BCR: variants seen among roughly 807,000 people sequenced by gnomAD.
The protein encoded by BCR is BCR activator of RhoGEF and GTPase.
A neutral mutation model predicts 138.6 loss-of-function variants in BCR; 58 were observed. That is an observed-to-expected ratio of 0.42 (90% CI 0.34 to 0.52). The LOEUF is 0.52. Among genes scored for constraint, BCR ranks in the 20% least tolerant of loss-of-function variants. The pLI, the probability that BCR is intolerant of heterozygous loss-of-function variation, is 0.06. For missense variants in BCR, 1,599 were observed against 1,727.2 expected (o/e 0.93, Z 1.32); for synonymous variants, 786 against 730.1 (o/e 1.08, Z -1.23).
At chr22:23,271,681 C>A in intron 6 of BCR, 89 bp downstream of exon 6, 3 of 1,313,362 alleles carry the variant, frequency 2.3e-6, no homozygotes, top group Non-Finnish European at 3.3e-6. Flanking sequence ...AGACACAGTG[C>A]CCACTTGGGT....
At chr22:23,289,700 G>A (rs1338765139) in intron 13 of BCR, 79 bp downstream of exon 13, 2 of 1,252,558 alleles carry the variant, frequency 1.6e-6, no homozygotes, top group Non-Finnish European at 2.3e-6. Flanking sequence ...CCCCCTTCCT[G>A]TTAGCACTTT....
intron 1 of BCR, among the ~76,000 whole-genome samples, chr22:23,226,807 A>G (rs2072899461): frequency 6.6e-6 from 1 of 152,190 alleles, no homozygotes; most frequent in African/African-American, 2.4e-5. Flanking sequence ...TAAAACAGAG[A>G]AATGGAGAGA....
rs181911023 is a variant in BCR, at chr22:23,279,180, G to T, written c.2116-4797G>T. ...GCTGCTACCAGCCACCCTGACTGTG[G>T]CTGTCAGCCAGCATTGTTCTTCCCA... On this transcript the variant is annotated intron_variant, in intron 8 of 22. Transcript: ENST00000305877. Among the ~76,000 whole-genome samples, 545 of 152,320 alleles carry T rather than the reference G, an allele frequency of 3.6e-3. 3 individuals are homozygous for T. The highest frequency in any genetic ancestry group is 0.012 in the African/African-American group (515 of 41,578).
intron 1 of BCR, chr22:23,198,146 G>A (rs1657769084): frequency 3.1e-6 from 1 of 321,800 alleles, no homozygotes; most frequent in African/African-American, 2.3e-5. Context: ...AAGGACAGAA[G>A]CCAGGCTCCA....
intron 1 of BCR, among the ~76,000 whole-genome samples, chr22:23,202,146 G>A (rs945280706): frequency 3.3e-5 from 5 of 152,048 alleles, no homozygotes; most frequent in African/African-American, 9.7e-5. Flanking sequence ...TGGACATTTC[G>A]AGTGGTTCTT....
At chr22:23,259,108 G>A (rs1307711034) in intron 2 of BCR, among the ~76,000 whole-genome samples, 1 of 152,288 alleles carries the variant, frequency 6.6e-6, no homozygotes, top group Admixed American at 6.5e-5. Flanking sequence ...TGGCCAGGAA[G>A]TCAGGTGGCG....
intron 2 of BCR, among the ~76,000 whole-genome samples, chr22:23,259,739 T>G (rs1352783730): frequency 6.6e-6 from 1 of 152,118 alleles, no homozygotes; most frequent in Non-Finnish European, 1.5e-5. Flanking sequence ...GCTGGTGATC[T>G]CGAACTCCTG....
Position 23,201,613 on chromosome 22 carries a change from A to T in BCR, c.1279+19374A>T, listed in dbSNP as rs533190919. On this transcript the variant is annotated intron_variant, in intron 1 of 22. Transcript: ENST00000305877. ...GCTGGGACTACAGGCACCCACCACCATGCCCGGCTAATTTTTTGTATTTTT... is the reference window on the plus strand; with the variant it reads ...GCTGGGACTACAGGCACCCACCACCTTGCCCGGCTAATTTTTTGTATTTTT... 4.9e-4 allele frequency among the ~76,000 whole-genome samples: 74 copies of T among 152,198 alleles called. 1 individual carries two copies. The highest frequency in any genetic ancestry group is 5.8e-4 in the East Asian group (3 of 5,182).
chr22:23,204,553 C>T (rs1164267623), intron 1 of BCR, among the ~76,000 whole-genome samples: 2 of 152,162 alleles, frequency 1.3e-5, no homozygotes, highest in Admixed American at 1.3e-4. Context: ...AGCAGCCTTC[C>T]TGTAGGATCC....
At chr22:23,224,387 C>CA (rs2072864133) in intron 1 of BCR, among the ~76,000 whole-genome samples, 1 of 152,168 alleles carries the variant, frequency 6.6e-6, no homozygotes, top group South Asian at 2.1e-4. Context: ...GCTCAGCTCT[C>CA]ACTTGTGCCT....
chr22:23,223,114 A>G (rs1037667249), intron 1 of BCR, among the ~76,000 whole-genome samples: 2 of 152,174 alleles, frequency 1.3e-5, no homozygotes, highest in East Asian at 3.9e-4. Flanking sequence ...ACCTCCCAGC[A>G]GCCCCACCTC....
chr22:23,295,004 C>G lies in BCR; in HGVS notation c.2881-20C>G, dbSNP rs780964593. On this transcript the variant is annotated intron_variant, in intron 15 of 22. Transcript: ENST00000305877. ...ACCCGTTTGTTCACACTGGACTTCC[C>G]TTCTCCCTTGGGGCTGCAGGAATTT... is the stretch of plus-strand genomic sequence containing the variant. 1.2e-6 allele frequency: 2 copies of G among 1,613,118 alleles called. No individual in the cohort carries two copies. Among genetic ancestry groups the G allele is most frequent in the Admixed American group, 3.3e-5 (2 of 59,978 alleles).
At chr22:23,294,971 T>C (rs2073829000) in intron 15 of BCR, 53 bp from the exon 16 acceptor site, 1 of 1,596,348 alleles carries the variant, frequency 6.3e-7, no homozygotes, top group African/African-American at 1.3e-5. Flanking sequence ...CCTTCAGCCA[T>C]AACATTGACC....
intron 1 of BCR, among the ~76,000 whole-genome samples, chr22:23,252,721 G>A (rs544520315): frequency 1.3e-5 from 2 of 152,222 alleles, no homozygotes; most frequent in Non-Finnish European, 2.9e-5. Flanking sequence ...ATGAGCCACT[G>A]TGCCCAGCCA....
chr22:23,209,227 G>A (rs2072652127), intron 1 of BCR, among the ~76,000 whole-genome samples: 1 of 151,888 alleles, frequency 6.6e-6, no homozygotes, highest in South Asian at 2.1e-4. Context: ...GGGTGTGGTG[G>A]CACACGCCTC....
rs748569852 is a variant in BCR, at chr22:23,273,790, G to C, written c.2115+16G>C. 3 of 1,613,592 alleles carry C rather than the reference G, an allele frequency of 1.9e-6. No homozygotes were observed. The highest frequency in any genetic ancestry group is 3.3e-5 in the Admixed American group (2 of 60,024). On this transcript the variant is annotated intron_variant, in intron 8 of 22. Coordinates refer to ENST00000305877, the MANE Select transcript of BCR (RefSeq NM_004327.4). The stretch of plus-strand genomic sequence containing the variant: ...GAAGGGAGAGGTGAGTGTGGCAGGG[G>C]ATGGCTTGGGTCCACCCATCCTGCT...
intron 8 of BCR, among the ~76,000 whole-genome samples, chr22:23,276,157 T>G (rs2073573588): frequency 6.6e-6 from 1 of 152,064 alleles, no homozygotes. Flanking sequence ...CCTAGTACTT[T>G]GGGAGGCCGA....
At chr22:23,197,651 C>T (rs1350704150) in intron 1 of BCR, among the ~76,000 whole-genome samples, 1 of 152,060 alleles carries the variant, frequency 6.6e-6, no homozygotes, top group Non-Finnish European at 1.5e-5. Context: ...TCTCCGAAGC[C>T]AGGCTGAGGG....
At position 23,270,702 on chromosome 22, in the gene BCR, C is replaced by T. The variant is rs906538083; in HGVS notation, c.1861-830C>T. 3.3e-4 allele frequency among the ~76,000 whole-genome samples: 50 copies of T among 152,242 alleles called. 1 individual carries two copies. Among genetic ancestry groups the T allele is most frequent in the African/African-American group, 1.2e-3 (49 of 41,462 alleles). ...GAGGTTGGCAGAGCAACCTCAGAAC[C>T]TCTTCTGTCTCTGTTTATGCTTTTG... is the stretch of plus-strand genomic sequence containing the variant. On this transcript the variant is annotated intron_variant, in intron 5 of 22. Coordinates refer to ENST00000305877, the MANE Select transcript of BCR (RefSeq NM_004327.4).
Sources: gnomAD v4.1 joint callset for allele counts (sites outside exome capture counted in the v4.1 genomes callset) on GRCh38, gnomAD v4.1.1 for gene constraint, MANE v1.5 for transcripts, NCBI Gene and HGNC (gene_info 2026-07-23, HGNC 2026-07-21) for gene names.